The following CCDC150 variants were observed in gnomAD, a reference collection of about 807,000 sequenced individuals.
CCDC150 encodes coiled-coil domain-containing protein 150.
CCDC150 carries 151 observed loss-of-function variants against 156.5 expected under a neutral mutation model. The ratio of observed to expected loss-of-function variants is 0.97; its 90% CI spans 0.85 to 1.10. CCDC150 has a LOEUF of 1.10. Ranked by LOEUF, CCDC150 falls within the 50% of genes least tolerant of loss-of-function variation. The probability of loss-of-function intolerance (pLI) is 0.00; values close to 1 mark genes in which losing one functional copy is unlikely to be tolerated. For synonymous variants in CCDC150, 452 were observed against 429.4 expected (o/e 1.05, Z -0.65); for missense variants, 1,312 against 1,268.1 (o/e 1.03, Z -0.53).
chr2:196,705,300 G>C (rs915712574), intron 15 of CCDC150, among the ~76,000 whole-genome samples: 1 of 152,152 alleles, frequency 6.6e-6, no homozygotes, highest in Non-Finnish European at 1.5e-5. Flanking sequence ...TTCTCTGATG[G>C]CCAGTGATGA....
chr2:196,676,821 T>G, intron 12 of CCDC150, 90 bp downstream of exon 12: 1 of 1,202,882 alleles, frequency 8.3e-7, no homozygotes, highest in Non-Finnish European at 1.2e-6. Context: ...AGAAAAGAAA[T>G]AAAACCCAGA....
In CCDC150 at chr2:196,663,614, TTACAG is replaced by T. The variant is rs913911205; in HGVS notation, c.646-1950_646-1946del. ...ACAAGTATGTTCAGGAGAGCAGTAT[TTACAG>T]TAGTGAAAAATTGGAAAAACCCTCA... On this transcript the variant is annotated intron_variant, in intron 5 of 27. Coordinates refer to ENST00000389175, the MANE Select transcript of CCDC150 (RefSeq NM_001080539.2). Among the ~76,000 whole-genome samples the T allele has an allele frequency of 3.5e-4, 53 of 152,202 alleles. 1 individual carries two copies. The highest frequency in any genetic ancestry group is 1.7e-3 in the South Asian group (8 of 4,826).
intron 5 of CCDC150, among the ~76,000 whole-genome samples, 153 bp downstream of exon 5, chr2:196,659,013 A>G (rs1693398508): frequency 6.6e-6 from 1 of 152,198 alleles, no homozygotes; most frequent in Non-Finnish European, 1.5e-5. Flanking sequence ...TTCAAGTGAA[A>G]GTGCCTGCCC....
chr2:196,708,828 A>T (rs1325711670), intron 15 of CCDC150, among the ~76,000 whole-genome samples: 4 of 152,082 alleles, frequency 2.6e-5, no homozygotes, highest in African/African-American at 9.7e-5. Context: ...AATGTTGAAT[A>T]TTGGCCCCCA....
chr2:196,709,876 T>C (rs563171058), intron 15 of CCDC150, among the ~76,000 whole-genome samples: 1 of 152,302 alleles, frequency 6.6e-6, no homozygotes, highest in South Asian at 2.1e-4. Flanking sequence ...ATCCTTCCTC[T>C]GGAAGTTTTG....
rs747842062 is a variant in CCDC150, at chr2:196,732,603, C to T, written c.*41C>T. Reference sequence around the variant, plus strand: ...AGCTTCTTTATGTGTAGCTACACTCCATGATTCCAAGAGCCCAGCAGCCGG... The same window carrying T: ...AGCTTCTTTATGTGTAGCTACACTCTATGATTCCAAGAGCCCAGCAGCCGG... On this transcript the variant is annotated 3_prime_UTR_variant, in exon 28 of 28. Transcript: ENST00000389175. 2.5e-5 allele frequency: 34 copies of T among 1,346,842 alleles called. No homozygotes were observed. Among genetic ancestry groups the T allele is most frequent in the Non-Finnish European group, 3.5e-5 (33 of 938,506 alleles). 83.4% of individuals were successfully genotyped at this position (1,346,842 alleles called of 1,614,324 possible). A position where few individuals can be genotyped will look rare whatever the true frequency, so the allele number is the denominator to read the frequency against.
chr2:196,692,183 G>T (rs1267911618), intron 13 of CCDC150, among the ~76,000 whole-genome samples: 1 of 145,536 alleles, frequency 6.9e-6, no homozygotes, highest in Non-Finnish European at 1.5e-5. Flanking sequence ...GCCGGACTGC[G>T]GACTGCAGTG....
chr2:196,657,564 G>A lies in CCDC150; in HGVS notation c.576+428G>A, dbSNP rs563529284. ...TGTGTTCAGACATGTTTGAGAGGGT[G>A]AGGATGCTCTATCTAGAATAGATTA... On this transcript the variant is annotated intron_variant, in intron 4 of 27. Coordinates refer to ENST00000389175, the MANE Select transcript of CCDC150 (RefSeq NM_001080539.2). The A allele has an allele frequency of 1.8e-4, 31 of 173,222 alleles. No homozygotes were observed. The South Asian group carries it at 4.2e-3, about 24-fold the overall frequency. The allele number at this position is 173,222 out of a possible 1,614,324, so 10.7% of individuals were successfully genotyped here.
rs1257752853 is a variant in CCDC150, at chr2:196,666,835, C to G, written c.879C>G (p.Leu293=). 6.2e-7 allele frequency: 1 copy of G among 1,613,244 alleles called. No homozygotes were observed. The highest frequency in any genetic ancestry group is 1.1e-5 in the South Asian group (1 of 90,994). Residue 293 remains leucine, a synonymous_variant, in exon 7 of 28, where the codon CTC becomes CTG. Transcript: ENST00000389175. Reference sequence around the variant, plus strand: ...AGTTGGAGATTGCTACTTCACAGCTCAAATCTGATCTAAGTATGAAAATAG... The same window carrying G: ...AGTTGGAGATTGCTACTTCACAGCTGAAATCTGATCTAAGTATGAAAATAG... The part of the protein sequence containing the change: ...KEELEIATSQ[L]KSDLTSRDDL...
At chr2:196,673,032 A>G (rs1217874657) in intron 9 of CCDC150, among the ~76,000 whole-genome samples, 1 of 152,166 alleles carries the variant, frequency 6.6e-6, no homozygotes, top group Non-Finnish European at 1.5e-5. Context: ...GATTGTCTCA[A>G]TATTAGGATC....
intron 5 of CCDC150, among the ~76,000 whole-genome samples, chr2:196,664,867 G>A (rs1693753616): frequency 6.6e-6 from 1 of 152,100 alleles, no homozygotes; most frequent in Admixed American, 6.6e-5. Flanking sequence ...ACGAGGGTCA[G>A]AAATGAAATA....
At chr2:196,715,713 A>G (rs574428215) in intron 17 of CCDC150, among the ~76,000 whole-genome samples, 166 of 152,318 alleles carry the variant, frequency 1.1e-3, no homozygotes, top group African/African-American at 3.7e-3. Flanking sequence ...TAAAAATTAA[A>G]ATGGATCATA....
intron 2 of CCDC150, among the ~76,000 whole-genome samples, chr2:196,653,753 TA>T (rs1693016618): frequency 6.6e-6 from 1 of 152,256 alleles, no homozygotes; most frequent in Non-Finnish European, 1.5e-5. Context: ...CATTTTCAAT[TA>T]CCTTTTTAGC....
At chr2:196,648,414 A>T (rs982846597) in intron 2 of CCDC150, among the ~76,000 whole-genome samples, 13 of 151,938 alleles carry the variant, frequency 8.6e-5, no homozygotes, top group Non-Finnish European at 1.9e-4. Context: ...TTAATGTATC[A>T]AGTTGGCCAT....
At position 196,676,664 on chromosome 2, in the gene CCDC150, G is replaced by A. The variant is rs776380177; in HGVS notation, c.1373G>A (p.Gly458Asp). 9.3e-6 allele frequency: 15 copies of A among 1,613,718 alleles called. No homozygotes were observed. The highest frequency in any genetic ancestry group is 6.7e-5 in the African/African-American group (5 of 74,936). ...GAATCAACTATTGCAAGATTGCGAG[G>A]TGAATTGGAAGCATCAATGCAAGAG... ...LLESTIARLR[G>D]ELEASMQEKK... The change falls in exon 12 of 28, where the codon GGT (glycine) becomes GAT (aspartate). Residue 458 changes from glycine (G) to aspartate (D), a missense_variant. Transcript: ENST00000389175.
rs767729365 is a variant in CCDC150 at position 196,718,617 on chromosome 2, A to G, written c.1981A>G (p.Arg661Gly). ...LKEDLEAVED[R>G]ENKKVGNFQR... is the part of the protein sequence containing the mutation. ...AGAAGACCTCGAGGCTGTGGAGGAC[A>G]GGGAAAACAAGAAGGCAAGGAATCA... is the stretch of plus-strand genomic sequence containing the variant. Residue 661 changes from arginine to glycine, a missense_variant, in exon 18 of 28, where the codon AGG becomes GGG. Coordinates refer to ENST00000389175, the MANE Select transcript of CCDC150 (RefSeq NM_001080539.2). 4 of 1,613,282 alleles carry G rather than the reference A, an allele frequency of 2.5e-6. No homozygotes were observed. The highest frequency in any genetic ancestry group is 1.7e-5 in the Admixed American group (1 of 59,974).
chr2:196,715,709 T>A (rs1470622197), intron 17 of CCDC150, among the ~76,000 whole-genome samples: 3 of 152,114 alleles, frequency 2.0e-5, no homozygotes, highest in Non-Finnish European at 4.4e-5. Flanking sequence ...TGTATAAAAA[T>A]TAAAATGGAT....
intron 5 of CCDC150, among the ~76,000 whole-genome samples, chr2:196,661,641 G>A (rs1230342980): frequency 6.6e-6 from 1 of 152,098 alleles, no homozygotes; most frequent in Non-Finnish European, 1.5e-5. Flanking sequence ...TATACAGATA[G>A]GAGAAGTGTG....
At chr2:196,682,876 GAT>G (rs1313013424) in intron 13 of CCDC150, among the ~76,000 whole-genome samples, 5 of 151,948 alleles carry the variant, frequency 3.3e-5, no homozygotes, top group Non-Finnish European at 7.4e-5. Flanking sequence ...TTGTAATAGA[GAT>G]AGTTATTTTT....
Sources: allele counts gnomAD v4.1 joint callset (sites outside exome capture counted in the v4.1 genomes callset), GRCh38; gene constraint gnomAD v4.1.1; transcripts MANE v1.5; gene names NCBI Gene and HGNC (gene_info 2026-07-23, HGNC 2026-07-21).